Variants in CIMIP6 observed in about 807,000 individuals in gnomAD.
CIMIP6 encodes uncharacterized protein C2orf73.
the CIMIP6 span, among the ~76,000 whole-genome samples, chr2:54,335,969 G>T: frequency 2.0e-5 from 3 of 152,038 alleles, no homozygotes; most frequent in Non-Finnish European, 2.9e-5. Flanking sequence ...TGATTAGAAT[G>T]CACCCACCCA....
At chr2:54,359,843 A>G in the CIMIP6 span, among the ~76,000 whole-genome samples, 5 of 152,302 alleles carry the variant, frequency 3.3e-5, no homozygotes, top group Middle Eastern at 3.4e-3. Flanking sequence ...TCTTAGGTCT[A>G]TGAACTGTAG....
the CIMIP6 span, among the ~76,000 whole-genome samples, chr2:54,381,117 G>A: frequency 6.6e-6 from 1 of 152,136 alleles, no homozygotes; most frequent in Admixed American, 6.5e-5. Flanking sequence ...AGGAATTTGA[G>A]ATCACATTTC....
the CIMIP6 span, chr2:54,343,917 T>C: frequency 5.5e-6 from 8 of 1,455,430 alleles, no homozygotes; most frequent in African/African-American, 1.0e-4. Context: ...TATCTCAAAT[T>C]ATTGCTACCA....
the CIMIP6 span, among the ~76,000 whole-genome samples, chr2:54,340,336 G>A: frequency 2.4e-4 from 4 of 16,616 alleles, no homozygotes; most frequent in East Asian, 5.3e-4. Context: ...ATGGTACACA[G>A]AACAGTAAAT....
At chr2:54,351,907 C>A in the CIMIP6 span, among the ~76,000 whole-genome samples, 16,434 of 151,938 alleles carry the variant, frequency 0.11, 931 homozygotes, top group Middle Eastern at 0.15. Flanking sequence ...ATAAATTAAA[C>A]CTAATAAATC....
At chr2:54,336,947 G>A in the CIMIP6 span, among the ~76,000 whole-genome samples, 1 of 152,218 alleles carries the variant, frequency 6.6e-6, no homozygotes, top group Non-Finnish European at 1.5e-5. Flanking sequence ...ATTTGCAGCT[G>A]AGAGCAGGAT....
At chr2:54,342,213 C>A in the CIMIP6 span, among the ~76,000 whole-genome samples, 1 of 152,168 alleles carries the variant, frequency 6.6e-6, no homozygotes, top group Admixed American at 6.5e-5. Context: ...GGGCTTAGTT[C>A]TTTGGTATGT....
At chr2:54,366,080 T>C in the CIMIP6 span, among the ~76,000 whole-genome samples, 3 of 152,196 alleles carry the variant, frequency 2.0e-5, no homozygotes, top group African/African-American at 7.2e-5. Flanking sequence ...GTCTTACTAA[T>C]AAAATCACCC....
the CIMIP6 span, among the ~76,000 whole-genome samples, chr2:54,369,851 G>A: frequency 6.6e-6 from 1 of 152,202 alleles, no homozygotes. Flanking sequence ...CAAGTGAGAT[G>A]TTCCTTCCTT....
the CIMIP6 span, among the ~76,000 whole-genome samples, chr2:54,333,229 C>T: frequency 2.4e-4 from 36 of 152,054 alleles, no homozygotes; most frequent in Non-Finnish European, 4.6e-4. Context: ...AAACTAGGTA[C>T]ATAAAAAATT....
the CIMIP6 span, among the ~76,000 whole-genome samples, chr2:54,332,017 T>C: frequency 6.6e-6 from 1 of 152,140 alleles, no homozygotes; most frequent in African/African-American, 2.4e-5. Context: ...GCCCCATAAA[T>C]TTGTATTTCT....
chr2:54,370,415 A>G, the CIMIP6 span, among the ~76,000 whole-genome samples: 1 of 151,862 alleles, frequency 6.6e-6, no homozygotes, highest in African/African-American at 2.4e-5. Flanking sequence ...AATCCACTCA[A>G]AGGTGTATTA....
the CIMIP6 span, among the ~76,000 whole-genome samples, chr2:54,370,291 A>T: frequency 6.6e-6 from 1 of 152,126 alleles, no homozygotes; most frequent in Admixed American, 6.6e-5. Flanking sequence ...AGAAAGAAAG[A>T]AAGTCAAAAT....
chr2:54,357,021 T>C, the CIMIP6 span, among the ~76,000 whole-genome samples: 3 of 152,200 alleles, frequency 2.0e-5, no homozygotes, highest in Non-Finnish European at 4.4e-5. Context: ...AAATTATAGA[T>C]AGAATTTTCT....
the CIMIP6 span, chr2:54,360,434 G>C: frequency 2.5e-6 from 4 of 1,595,840 alleles, no homozygotes; most frequent in Non-Finnish European, 3.4e-6. Flanking sequence ...CGTCAGACAG[G>C]CAGCCAAGGC....
At chr2:54,338,036 C>T in the CIMIP6 span, among the ~76,000 whole-genome samples, 1 of 152,150 alleles carries the variant, frequency 6.6e-6, no homozygotes, top group African/African-American at 2.4e-5. Flanking sequence ...ACTTGAGAGG[C>T]TGAGGCAGGA....
chr2:54,354,853 A>G, the CIMIP6 span, among the ~76,000 whole-genome samples: 1 of 151,962 alleles, frequency 6.6e-6, no homozygotes, highest in African/African-American at 2.4e-5. Flanking sequence ...AATGTTAAAC[A>G]ATAGAATTTT....
the CIMIP6 span, among the ~76,000 whole-genome samples, chr2:54,344,370 G>T: frequency 6.6e-6 from 1 of 152,198 alleles, no homozygotes. Flanking sequence ...TCTTAAGAGT[G>T]AAGAGAATAG....
the CIMIP6 span, among the ~76,000 whole-genome samples, chr2:54,351,882 AT>A: frequency 1.3e-5 from 2 of 152,168 alleles, no homozygotes; most frequent in Non-Finnish European, 1.5e-5. Flanking sequence ...TCCTTAAATA[AT>A]TTCTATAAAT....
Sources: allele counts gnomAD v4.1 joint callset (sites outside exome capture counted in the v4.1 genomes callset), GRCh38; gene constraint gnomAD v4.1.1; transcripts MANE v1.5; gene names NCBI Gene and HGNC (gene_info 2026-07-23, HGNC 2026-07-21).